Variants in FANCL observed in about 807,000 individuals in gnomAD.
The protein encoded by FANCL is E3 ubiquitin-protein ligase FANCL.
Under a neutral mutation model 59.4 loss-of-function variants are expected in FANCL, and 69 were observed. The observed-to-expected ratio is 1.16, with a 90% CI of 0.96 to 1.42. The LOEUF (loss-of-function observed/expected upper bound fraction) is 1.42, where lower values mean the gene tolerates loss of function less well. Among genes scored for constraint, FANCL ranks in the 40% most tolerant of loss-of-function variants. The probability of loss-of-function intolerance (pLI) is 0.00; values close to 1 mark genes in which losing one functional copy is unlikely to be tolerated. For synonymous variants in FANCL, 180 were observed against 147.1 expected (o/e 1.22, Z -1.62); for missense variants, 519 against 447.2 (o/e 1.16, Z -1.45).
chr2:58,190,682 A>G (rs17049394), intron 7 of FANCL, among the ~76,000 whole-genome samples: 14,473 of 151,922 alleles, frequency 0.095, 708 homozygotes, highest in African/African-American at 0.11. Context: ...GTTCAAAACT[A>G]ATAGAAAGAA....
intron 7 of FANCL, among the ~76,000 whole-genome samples, chr2:58,168,423 T>C (rs1323999364): frequency 6.6e-6 from 1 of 152,150 alleles, no homozygotes; most frequent in Non-Finnish European, 1.5e-5. Context: ...CTGGCCCAGA[T>C]ATGCTTTTCC....
chr2:58,197,229 T>C (rs1452582993), intron 7 of FANCL, among the ~76,000 whole-genome samples: 1 of 151,750 alleles, frequency 6.6e-6, no homozygotes, highest in African/African-American at 2.4e-5. Context: ...AAATGGCATT[T>C]TGGCCTTGAC....
intron 7 of FANCL, among the ~76,000 whole-genome samples, chr2:58,170,177 C>A (rs546248029): frequency 1.3e-5 from 2 of 152,212 alleles, no homozygotes; most frequent in African/African-American, 4.8e-5. Context: ...ATCAGACTAA[C>A]AGCAGATCTC....
intron 1 of FANCL, among the ~76,000 whole-genome samples, chr2:58,236,604 G>C (rs1694049493): frequency 1.3e-5 from 2 of 151,786 alleles, no homozygotes; most frequent in South Asian, 4.1e-4. Flanking sequence ...AAAACACACA[G>C]CAAGAGTAGA....
Position 58,194,009 on chromosome 2 carries a change from C to CATA in FANCL, c.540+4584_540+4585insTAT, listed in dbSNP as rs570110490. Among the ~76,000 whole-genome samples the CATA allele has an allele frequency of 5.8e-3, 887 of 152,258 alleles. 10 individuals carry two copies. The highest frequency in any genetic ancestry group is 0.02 in the African/African-American group (837 of 41,548). ...GCTCCCTGCTATGTAATAGGACTGA[C>CATA]TCCTTTAATTACAAATTCTTCATTC... On this transcript the variant is annotated intron_variant, in intron 7 of 13. Transcript: ENST00000233741.
chr2:58,236,239 A>G (rs183317065), intron 1 of FANCL, among the ~76,000 whole-genome samples: 8 of 152,148 alleles, frequency 5.3e-5, no homozygotes, highest in Admixed American at 4.6e-4. Flanking sequence ...TCTTAAAAGC[A>G]GCCAGAGGAA....
Position 58,173,357 on chromosome 2 carries a change from A to C in FANCL, c.541-7483T>G, listed in dbSNP as rs199550601. 1.4e-4 allele frequency among the ~76,000 whole-genome samples: 22 copies of C among 152,312 alleles called. No homozygotes were observed. The East Asian group carries it at 3.9e-3, about 27-fold the overall frequency. On this transcript the variant is annotated intron_variant, in intron 7 of 13. Transcript: ENST00000233741. ...TGTCAGATTCACCAAAGTTGAAATG[A>C]AGGAAAAAATGTTAAGGGCAGCCAG...
intron 8 of FANCL, among the ~76,000 whole-genome samples, chr2:58,164,592 A>C (rs919421142): frequency 4.6e-5 from 7 of 151,876 alleles, no homozygotes; most frequent in Non-Finnish European, 7.4e-5. Flanking sequence ...CCTGGAGGAG[A>C]AAAAAGAAGC....
intron 7 of FANCL, among the ~76,000 whole-genome samples, chr2:58,183,585 A>T (rs1688128884): frequency 1.3e-5 from 2 of 151,912 alleles, no homozygotes; most frequent in Admixed American, 6.6e-5. Context: ...TTTTATTCTA[A>T]TCTTTCACTG....
At chr2:58,174,647 AG>A (rs1687084835) in intron 7 of FANCL, among the ~76,000 whole-genome samples, 1 of 152,180 alleles carries the variant, frequency 6.6e-6, no homozygotes, top group African/African-American at 2.4e-5. Context: ...CAGTGTGTAG[AG>A]GGAAATTTAT....
chr2:58,219,368 A>G (rs1014717174), intron 5 of FANCL, among the ~76,000 whole-genome samples: 8 of 151,210 alleles, frequency 5.3e-5, no homozygotes, highest in Non-Finnish European at 1.0e-4. Context: ...TAAATGACTG[A>G]AAAAACAAAT....
intron 1 of FANCL, among the ~76,000 whole-genome samples, chr2:58,236,882 T>C (rs1463199636): frequency 1.3e-5 from 2 of 152,148 alleles, no homozygotes; most frequent in African/African-American, 4.8e-5. Flanking sequence ...CATTTCATAA[T>C]CCTAAAGGAG....
intron 1 of FANCL, among the ~76,000 whole-genome samples, chr2:58,235,391 A>C (rs191916616): frequency 5.3e-5 from 8 of 152,276 alleles, no homozygotes; most frequent in Admixed American, 5.2e-4. Flanking sequence ...GAGCCATTAA[A>C]TAGAGTGCTC....
chr2:58,202,108 ATTT>A (rs1690092932), intron 6 of FANCL, among the ~76,000 whole-genome samples: 1 of 151,290 alleles, frequency 6.6e-6, no homozygotes, highest in Non-Finnish European at 1.5e-5. Flanking sequence ...TTTCCCTAAA[ATTT>A]TTGTTTCCTA....
intron 6 of FANCL, among the ~76,000 whole-genome samples, chr2:58,201,335 T>C (rs1689999498): frequency 6.6e-6 from 1 of 151,718 alleles, no homozygotes; most frequent in Non-Finnish European, 1.5e-5. Context: ...TAAAACATAG[T>C]TCTCCAAATC....
intron 7 of FANCL, among the ~76,000 whole-genome samples, chr2:58,174,056 G>C (rs1183245218): frequency 1.3e-5 from 2 of 152,056 alleles, no homozygotes; most frequent in African/African-American, 4.8e-5. Context: ...TTACATAATG[G>C]TAAAGGGATC....
intron 5 of FANCL, among the ~76,000 whole-genome samples, chr2:58,218,945 G>C (rs6717332): frequency 3.3e-5 from 5 of 150,142 alleles, no homozygotes; most frequent in African/African-American, 1.2e-4. Context: ...AAACACATTT[G>C]TTTTCCATTT....
chr2:58,171,231 C>T (rs1450736091), intron 7 of FANCL, among the ~76,000 whole-genome samples: 2 of 152,158 alleles, frequency 1.3e-5, no homozygotes, highest in South Asian at 2.1e-4. Flanking sequence ...CTCAAAACTG[C>T]ACAACTACAT....
rs532593339 is a variant in FANCL at position 58,190,620 on chromosome 2, C to A, written c.540+7974G>T. ...GTTAGCTATATCTAATTTTTCATCA[C>A]TCTAAAATCAATGAAATAAAAAAAG... On this transcript the variant is annotated intron_variant, in intron 7 of 13. Coordinates refer to ENST00000233741, the MANE Select transcript of FANCL (RefSeq NM_018062.4). 1.5e-4 allele frequency among the ~76,000 whole-genome samples: 23 copies of A among 151,896 alleles called. No individual in the cohort carries two copies. The South Asian group carries it at 4.8e-3, about 32-fold the overall frequency.
Sources: gnomAD v4.1 joint callset for allele counts (sites outside exome capture counted in the v4.1 genomes callset) on GRCh38, gnomAD v4.1.1 for gene constraint, MANE v1.5 for transcripts, NCBI Gene and HGNC (gene_info 2026-07-23, HGNC 2026-07-21) for gene names.